NFATC1: variants seen among roughly 807,000 people sequenced by gnomAD.
NFATC1 encodes the protein nuclear factor of activated T cells 1, also known as nuclear factor of activated T-cells, cytoplasmic 1.
NFATC1 carries 22 observed loss-of-function variants against 76.0 expected under a neutral mutation model. The observed-to-expected ratio is 0.29, with a 90% confidence interval of 0.21 to 0.41. The LOEUF (loss-of-function observed/expected upper bound fraction) is 0.41. Ranked by LOEUF, NFATC1 falls within the 10% of genes least tolerant of loss-of-function variation. NFATC1 has a pLI of 1.00. For missense variants in NFATC1, 1,357 were observed against 1,337.7 expected, an observed-to-expected ratio of 1.01 and a Z score of -0.23; for synonymous variants, 704 against 613.1, an observed-to-expected ratio of 1.15 and a Z score of -2.19.
intron 2 of NFATC1, among the ~76,000 whole-genome samples, chr18:79,424,767 GTC>G (rs202013940): frequency 0.013 from 1,866 of 141,478 alleles, 38 homozygotes; most frequent in African/African-American, 0.046. Context: ...CTGTTTCTCT[GTC>G]TCTCTCTGTC....
In NFATC1 at chr18:79,450,966, C is replaced by T. The variant is rs774282700; in HGVS notation, c.1602C>T (p.Ala534=). The change falls in exon 5 of 10, where the codon GCC becomes GCT. Residue 534 remains alanine (A), a synonymous_variant. Transcript: ENST00000427363. The part of the protein sequence containing the change: ...ENSMRAVIDC[A]GILKLRNSDI... ...TTGTTTTGGGCAGCATTGACTGTGC[C>T]GGAATCCTGAAACTCAGAAACTCCG... is the stretch of plus-strand genomic sequence containing the variant. The T allele has an allele frequency of 3.3e-5, 53 of 1,613,372 alleles. No homozygotes were observed. In the East Asian group the frequency reaches 4.7e-4, roughly 14 times the overall value.
chr18:79,433,483 T>C lies in NFATC1; in HGVS notation c.1227-96T>C, dbSNP rs1312646052. ...TCAGGACGTGCACTCGCCGATGAAG[T>C]GTCCACCCAAGATGGCGACGGGTGA... On this transcript the variant is annotated intron_variant, in intron 2 of 9. Coordinates refer to ENST00000427363, the MANE Select transcript of NFATC1 (RefSeq NM_001278669.2). 54 of 1,420,898 alleles carry C rather than the reference T, an allele frequency of 3.8e-5. 1 individual carries two copies. In the East Asian group the frequency reaches 7.5e-4, roughly 20 times the overall value. The allele number at this position is 1,420,898 out of a possible 1,614,324, so 88.0% of individuals were successfully genotyped here. A position where few individuals can be genotyped will look rare whatever the true frequency, so the allele number is the denominator to read the frequency against.
chr18:79,510,036 A>G (rs541201973), intron 9 of NFATC1, among the ~76,000 whole-genome samples: 46 of 152,360 alleles, frequency 3.0e-4, no homozygotes, highest in East Asian at 2.5e-3. Flanking sequence ...TCCACGGTCA[A>G]TCTTTCTTCT....
At chr18:79,459,382 A>C (rs1429146267) in intron 6 of NFATC1, among the ~76,000 whole-genome samples, 2 of 152,188 alleles carry the variant, frequency 1.3e-5, no homozygotes, top group African/African-American at 2.4e-5. Context: ...CACCTGGAGG[A>C]GGCCGCGGGG....
intron 1 of NFATC1, among the ~76,000 whole-genome samples, chr18:79,406,470 C>T (rs1309845883): frequency 1.3e-5 from 2 of 152,084 alleles, no homozygotes; most frequent in Non-Finnish European, 2.9e-5. Flanking sequence ...TCCCTCAGTT[C>T]CGCTGCTGTG....
rs1251646843 is a variant in NFATC1 at position 79,486,587 on chromosome 18, C to T, written c.2432C>T (p.Pro811Leu). The T allele has an allele frequency of 1.3e-6, 2 of 1,589,064 alleles. No individual in the cohort carries two copies. The highest frequency in any genetic ancestry group is 2.7e-5 in the African/African-American group (2 of 74,456). ...GTGCCCAGGCCAGTGGCCACGCACC[C>T]CGGCTCGCCCGGGCAGCCACCCCCG... Reference protein sequence around the residue: ...QDVPRPVATHPGSPGQPPPAL... With the variant: ...QDVPRPVATHLGSPGQPPPAL... Residue 811 changes from proline (P) to leucine (L), a missense_variant, in exon 9 of 10, where the codon CCC (proline) becomes CTC (leucine). By Grantham distance (98) the Pro-to-Leu change is moderately conservative. Coordinates refer to ENST00000427363, the MANE Select transcript of NFATC1 (RefSeq NM_001278669.2).
Position 79,486,844 on chromosome 18 carries a change from G to T in NFATC1, c.2689G>T (p.Glu897Ter). The change falls in exon 9 of 10, where the codon GAG (glutamate) becomes TAG (stop). Residue 897 changes from glutamate to a stop codon, truncating the protein, a stop_gained. Transcript: ENST00000427363. LOFTEE classifies it high-confidence loss of function. ...SPTAGPRLLP[E>*]VHEDGSPNLA... ...GACTGCCGGGCCACGGCTGCTGCCAGAGGTGCATGAGGACGGTAGTCCTAA... is the reference window on the plus strand; with the variant it reads ...GACTGCCGGGCCACGGCTGCTGCCATAGGTGCATGAGGACGGTAGTCCTAA... 6.2e-7 allele frequency: 1 copy of T among 1,611,960 alleles called. No individual in the cohort carries two copies. Among genetic ancestry groups the T allele is most frequent in the Non-Finnish European group, 8.5e-7 (1 of 1,179,572 alleles).
intron 2 of NFATC1, among the ~76,000 whole-genome samples, chr18:79,418,752 C>A (rs1024551086): frequency 4.6e-5 from 7 of 152,208 alleles, no homozygotes; most frequent in Non-Finnish European, 8.8e-5. Flanking sequence ...GGTTTTCTGC[C>A]TGCGTTGTTT....
chr18:79,400,093 C>A (rs2085137051), intron 1 of NFATC1, among the ~76,000 whole-genome samples: 1 of 151,410 alleles, frequency 6.6e-6, no homozygotes, highest in Admixed American at 6.6e-5. Flanking sequence ...GCCGGGACCC[C>A]CAGGGCACAA....
At chr18:79,515,705 T>C (rs2090365191) in intron 9 of NFATC1, 1 of 152,114 alleles carries the variant, frequency 6.6e-6, no homozygotes. Flanking sequence ...AAGAATCGTG[T>C]TTCTGTAGCA....
Position 79,519,479 on chromosome 18 carries a change from C to A in NFATC1, c.2783-8049C>A, listed in dbSNP as rs372780223. Among the ~76,000 whole-genome samples, 76 of 152,252 alleles carry A rather than the reference C, an allele frequency of 5.0e-4. 4 individuals carry two copies. The East Asian group carries it at 0.014, about 29-fold the overall frequency. On this transcript the variant is annotated intron_variant, in intron 9 of 9. Transcript: ENST00000427363. ...TCCCAAGTAGCTGGGACCACAGGTG[C>A]ACACCACCATGTCTGGCTAATTTTT...
intron 1 of NFATC1, among the ~76,000 whole-genome samples, chr18:79,401,342 G>C (rs2085247244): frequency 6.6e-6 from 1 of 152,090 alleles, no homozygotes; most frequent in Non-Finnish European, 1.5e-5. Flanking sequence ...TTTCCGTATC[G>C]TTCACTACTC....
At chr18:79,446,725 G>A (rs1049589977) in intron 3 of NFATC1, among the ~76,000 whole-genome samples, 1 of 152,178 alleles carries the variant, frequency 6.6e-6, no homozygotes, top group Non-Finnish European at 1.5e-5. Context: ...GGAAAGGGAA[G>A]GGCTTTTTGT....
chr18:79,427,672 G>A (rs1195041183), intron 2 of NFATC1, among the ~76,000 whole-genome samples: 19 of 120,970 alleles, frequency 1.6e-4, no homozygotes, highest in African/African-American at 6.1e-4. Flanking sequence ...TCTGTGTGGT[G>A]TGGGGGCTGG....
At chr18:79,457,685 C>T (rs1421015303) in intron 6 of NFATC1, among the ~76,000 whole-genome samples, 3 of 152,290 alleles carry the variant, frequency 2.0e-5, no homozygotes, top group African/African-American at 4.8e-5. Context: ...CAGAAAGAAA[C>T]CCTTGCCCAT....
At chr18:79,432,315 G>A (rs1462050821) in intron 2 of NFATC1, among the ~76,000 whole-genome samples, 3 of 55,012 alleles carry the variant, frequency 5.5e-5, no homozygotes, top group African/African-American at 1.6e-4. Context: ...CACGGTGCTC[G>A]GGGTGAGCCT....
Position 79,524,754 on chromosome 18 carries a change from C to T in NFATC1, c.2783-2774C>T, listed in dbSNP as rs2090708838. ...GAACCTGGGTGGCCGGGGGACACAC[C>T]GAGGAACTTTCCGCCCCCCGACGGG... On this transcript the variant is annotated intron_variant, in intron 9 of 9. Coordinates refer to ENST00000427363, the MANE Select transcript of NFATC1 (RefSeq NM_001278669.2). The surrounding 1 kb of genome is among the most constrained non-coding windows in gnomAD (Gnocchi z 7.2). Among the ~76,000 whole-genome samples the T allele has an allele frequency of 6.6e-6, 1 of 152,058 alleles. No individual in the cohort carries two copies. Among genetic ancestry groups the T allele is most frequent in the South Asian group, 2.1e-4 (1 of 4,824 alleles).
chr18:79,432,996 C>T (rs887805608), intron 2 of NFATC1, among the ~76,000 whole-genome samples: 2 of 152,332 alleles, frequency 1.3e-5, no homozygotes, highest in Admixed American at 6.5e-5. Context: ...CCCTCACCGT[C>T]GTACCCCGCC....
intron 6 of NFATC1, 48 bp from the exon 7 acceptor site, chr18:79,461,263 G>C (rs746312879): frequency 6.3e-7 from 1 of 1,597,188 alleles, no homozygotes; most frequent in Non-Finnish European, 8.6e-7. Flanking sequence ...TGGGGAGGGG[G>C]CTCCCCACCA....
Sources: gnomAD v4.1 joint callset for allele counts (sites outside exome capture counted in the v4.1 genomes callset) on GRCh38, gnomAD v4.1.1 for gene constraint, Gnocchi (gnomAD v3.1) non-coding constraint, MANE v1.5 for transcripts, NCBI Gene and HGNC (gene_info 2026-07-23, HGNC 2026-07-21) for gene names.